The following CSTPP1 variants were observed in gnomAD, a reference collection of about 807,000 sequenced individuals.
CSTPP1 encodes centriolar satellite-associated tubulin polyglutamylase complex regulator 1, also known as UPF0705 protein C11orf49.
At chr11:46,994,704 C>T in the CSTPP1 span, among the ~76,000 whole-genome samples, 19 of 152,080 alleles carry the variant, frequency 1.2e-4, no homozygotes, top group Non-Finnish European at 1.9e-4. Context: ...ATTTTTGCAT[C>T]GATGTTCATC....
chr11:46,939,443 A>T, the CSTPP1 span, among the ~76,000 whole-genome samples: 2 of 152,048 alleles, frequency 1.3e-5, no homozygotes, highest in Non-Finnish European at 2.9e-5. Context: ...AACTTATTTT[A>T]AAAATTAATT....
At chr11:46,950,168 T>C in the CSTPP1 span, among the ~76,000 whole-genome samples, 1 of 144,374 alleles carries the variant, frequency 6.9e-6, no homozygotes, top group East Asian at 1.9e-4. Context: ...GGAAAGACTT[T>C]TTCTTTTCTT....
At chr11:47,116,671 G>C in the CSTPP1 span, among the ~76,000 whole-genome samples, 1 of 127,354 alleles carries the variant, frequency 7.9e-6, no homozygotes, top group East Asian at 2.5e-4. Context: ...CATTTGCTTG[G>C]TAGGTTTTTT....
the CSTPP1 span, among the ~76,000 whole-genome samples, chr11:47,038,493 C>T: frequency 1.9e-4 from 18 of 93,120 alleles, no homozygotes; most frequent in Admixed American, 3.3e-4. Context: ...GGCGGCCGGC[C>T]AGGCAGAGGG....
At chr11:46,967,802 A>G in the CSTPP1 span, among the ~76,000 whole-genome samples, 1 of 149,140 alleles carries the variant, frequency 6.7e-6, no homozygotes, top group African/African-American at 2.4e-5. Context: ...ATTATTATTT[A>G]TAACTATATT....
the CSTPP1 span, among the ~76,000 whole-genome samples, chr11:47,153,916 A>T: frequency 1.3e-5 from 2 of 152,264 alleles, no homozygotes; most frequent in Admixed American, 1.3e-4. Context: ...AGAGATTTAG[A>T]AAAATATGAG....
chr11:47,133,750 T>G, the CSTPP1 span, among the ~76,000 whole-genome samples: 1 of 152,194 alleles, frequency 6.6e-6, no homozygotes, highest in African/African-American at 2.4e-5. Flanking sequence ...GCTGATAAGA[T>G]CAAGGTGCTG....
chr11:47,051,634 G>A, the CSTPP1 span, among the ~76,000 whole-genome samples: 18 of 151,642 alleles, frequency 1.2e-4, no homozygotes, highest in African/African-American at 4.4e-4. Flanking sequence ...CCATAGCCAT[G>A]TCATCCTTAT....
the CSTPP1 span, among the ~76,000 whole-genome samples, chr11:47,080,210 C>T: frequency 6.6e-6 from 1 of 152,184 alleles, no homozygotes; most frequent in Non-Finnish European, 1.5e-5. Context: ...AATCCCAACA[C>T]TTGGGGAGGC....
the CSTPP1 span, among the ~76,000 whole-genome samples, chr11:47,158,260 G>A: frequency 6.6e-6 from 1 of 152,098 alleles, no homozygotes; most frequent in African/African-American, 2.4e-5. Context: ...ACTCAGTGAC[G>A]CTAGAGATTA....
the CSTPP1 span, chr11:47,161,111 C>T: frequency 3.1e-6 from 5 of 1,613,962 alleles, no homozygotes; most frequent in Admixed American, 1.7e-5. Context: ...CTACTGTGCC[C>T]CCAATGATCT....
chr11:46,979,798 A>G, the CSTPP1 span, among the ~76,000 whole-genome samples: 1 of 152,094 alleles, frequency 6.6e-6, no homozygotes, highest in African/African-American at 2.4e-5. Flanking sequence ...CTGTAATCCC[A>G]CCTACTCAGG....
chr11:46,952,364 A>G, the CSTPP1 span, among the ~76,000 whole-genome samples: 5 of 152,246 alleles, frequency 3.3e-5, no homozygotes, highest in Non-Finnish European at 7.3e-5. Context: ...CTCACATTTC[A>G]TAGGTGAGAA....
the CSTPP1 span, among the ~76,000 whole-genome samples, chr11:47,087,843 G>C: frequency 6.6e-6 from 1 of 152,196 alleles, no homozygotes; most frequent in Non-Finnish European, 1.5e-5. Context: ...GGGAATCCAA[G>C]AGCAGCTTAC....
chr11:47,161,944 G>C, the CSTPP1 span: 1 of 1,117,696 alleles, frequency 8.9e-7, no homozygotes, highest in Non-Finnish European at 1.1e-6. Flanking sequence ...CTTAAGAGCA[G>C]TCTCTTCTGA....
chr11:47,161,534 A>AC, the CSTPP1 span: 1 of 1,613,528 alleles, frequency 6.2e-7, no homozygotes, highest in South Asian at 1.1e-5. Context: ...GCCTTCCCGG[A>AC]CCCCTCCCCG....
chr11:46,997,366 G>A, the CSTPP1 span, among the ~76,000 whole-genome samples: 5 of 152,128 alleles, frequency 3.3e-5, no homozygotes, highest in Admixed American at 3.3e-4. Flanking sequence ...AAGCTTGTGT[G>A]TGTGTCACAT....
At chr11:46,944,183 G>A in the CSTPP1 span, among the ~76,000 whole-genome samples, 1 of 150,884 alleles carries the variant, frequency 6.6e-6, no homozygotes, top group Non-Finnish European at 1.5e-5. Context: ...CAGAGCGTGG[G>A]GGTGTGTTCC....
the CSTPP1 span, among the ~76,000 whole-genome samples, chr11:47,019,191 G>A: frequency 6.6e-6 from 1 of 151,972 alleles, no homozygotes; most frequent in African/African-American, 2.4e-5. Context: ...TGTATTTTTA[G>A]TAGAGACGGG....
Sources: gnomAD v4.1 joint callset for allele counts (sites outside exome capture counted in the v4.1 genomes callset) on GRCh38, gnomAD v4.1.1 for gene constraint, MANE v1.5 for transcripts, NCBI Gene and HGNC (gene_info 2026-07-23, HGNC 2026-07-21) for gene names.